PLP1: variants seen among roughly 807,000 people sequenced by gnomAD.
PLP1 encodes the protein myelin proteolipid protein.
PLP1 carries 2 observed loss-of-function variants against 18.5 expected under a neutral mutation model. That is an observed-to-expected ratio of 0.11 (90% CI 0.04 to 0.34). The LOEUF (loss-of-function observed/expected upper bound fraction) is 0.34, where lower values mean the gene tolerates loss of function less well. PLP1 is among the 10% of genes least tolerant of loss of function. The probability of loss-of-function intolerance (pLI) is 1.00; values close to 1 mark genes in which losing one functional copy is unlikely to be tolerated. For synonymous variants in PLP1, 86 were observed against 83.2 expected (o/e 1.03, Z -0.19); for missense variants, 105 against 207.3 (o/e 0.51, Z 3.03).
At chrX:103,778,496 G>T (rs1375622515) in intron 1 of PLP1, among the ~76,000 whole-genome samples, 2 of 111,357 alleles carry the variant, frequency 1.8e-5, no homozygotes, top group African/African-American at 6.5e-5. Context: ...GATAGGTTGT[G>T]CATTAAAAAC....
chrX:103,782,782 A>G (rs944169582), intron 1 of PLP1, among the ~76,000 whole-genome samples: 16 of 60,290 alleles, frequency 2.7e-4, no homozygotes, highest in Non-Finnish European at 3.6e-4. Flanking sequence ...TTGTTCCCTG[A>G]GTCTGACCCC....
At chrX:103,785,876 C>T (rs1271964871) in intron 2 of PLP1, 108 bp downstream of exon 2, 2 of 794,614 alleles carry the variant, frequency 2.5e-6, no homozygotes, top group Non-Finnish European at 3.8e-6. Flanking sequence ...TGGGGTGGAG[C>T]CAGACCGGAT....
intron 5 of PLP1, 115 bp downstream of exon 5, chrX:103,788,625 C>T (rs970892360): frequency 2.0e-5 from 13 of 636,111 alleles, no homozygotes; most frequent in Middle Eastern, 3.3e-4. Context: ...TTGAATTAGC[C>T]GATTGCCTTC....
At chrX:103,777,245 A>G (rs1382359151) in intron 1 of PLP1, among the ~76,000 whole-genome samples, 3 of 111,604 alleles carry the variant, frequency 2.7e-5, no homozygotes, top group Admixed American at 1.9e-4. Context: ...GAGAGTGCCC[A>G]GCTGGATGGA....
intron 6 of PLP1, among the ~76,000 whole-genome samples, chrX:103,789,670 T>C (rs2074528315): frequency 8.9e-6 from 1 of 112,205 alleles, no homozygotes; most frequent in Non-Finnish European, 1.9e-5. Flanking sequence ...TTATAGAACA[T>C]GTAATGTTGC....
At chrX:103,777,227 T>C (rs182402974) in intron 1 of PLP1, among the ~76,000 whole-genome samples, 1 of 111,731 alleles carries the variant, frequency 9.0e-6, no homozygotes, top group Non-Finnish European at 1.9e-5. Flanking sequence ...GTCCCACAGA[T>C]CTCTGGAGAG....
intron 1 of PLP1, among the ~76,000 whole-genome samples, chrX:103,784,293 T>C (rs1373246486): frequency 9.0e-6 from 1 of 111,716 alleles, no homozygotes; most frequent in Admixed American, 9.5e-5. Context: ...GTTCCTCTAG[T>C]GCCAGAAAGA....
At chrX:103,785,891 G>C (rs967702711) in intron 2 of PLP1, 123 bp downstream of exon 2, 1 of 751,842 alleles carries the variant, frequency 1.3e-6, no homozygotes, top group African/African-American at 2.1e-5. Context: ...CCGGATTCCC[G>C]AGTCTTCCCT....
chrX:103,786,579 C>A lies in PLP1; in HGVS notation c.306C>A (p.Gly102=). 2 of 1,211,473 alleles carry A rather than the reference C, an allele frequency of 1.7e-6. No individual in the cohort carries two copies. Among genetic ancestry groups the A allele is most frequent in the Non-Finnish European group, 2.2e-6 (2 of 895,350 alleles). ...CCGGCGCAGTCAGGCAGATCTTTGGCGACTACAAGACCACCATCTGCGGCA... is the reference window on the plus strand; with the variant it reads ...CCGGCGCAGTCAGGCAGATCTTTGGAGACTACAAGACCACCATCTGCGGCA... The part of the protein sequence containing the change: ...YTTGAVRQIF[G]DYKTTICGKG... Residue 102 remains glycine, a synonymous_variant, in exon 3 of 7, where the codon GGC becomes GGA. Coordinates refer to ENST00000621218, the MANE Select transcript of PLP1 (RefSeq NM_000533.5).
upstream of PLP1, chrX:103,776,687 A>G (rs2074413234): frequency 1.7e-5 from 5 of 301,496 alleles, no homozygotes; most frequent in African/African-American, 2.7e-5. Context: ...AGAAAATGAA[A>G]CAATTGGCAG....
intron 2 of PLP1, chrX:103,786,228 C>T: frequency 8.7e-7 from 1 of 1,143,331 alleles, no homozygotes; most frequent in Non-Finnish European, 1.2e-6. Flanking sequence ...TCTCCAGGTC[C>T]CAGGGTAAGC....
In PLP1 at chrX:103,791,684, T is replaced by C. The variant is rs970241016; in HGVS notation, c.*1086T>C. ...TGCACATTTCATGTATTCCAGTTTG[T>C]TTATTACTTATTTGGGGTTGCATCA... is the stretch of plus-strand genomic sequence containing the variant. On this transcript the variant is annotated 3_prime_UTR_variant, in exon 7 of 7. Transcript: ENST00000621218. The C allele has an allele frequency of 1.2e-4, 13 of 112,963 alleles. No individual in the cohort carries two copies. Among genetic ancestry groups the C allele is most frequent in the African/African-American group, 4.2e-4 (13 of 31,014 alleles). 9.3% of individuals were successfully genotyped at this position (112,963 alleles called of 1,213,427 possible).
chrX:103,781,297 C>A (rs2074452190), intron 1 of PLP1: 2 of 325,747 alleles, frequency 6.1e-6, no homozygotes, highest in Middle Eastern at 4.4e-4. Flanking sequence ...CCTTGATGAA[C>A]CTGGATCTGT....
chrX:103,785,670 G>A lies in PLP1; in HGVS notation c.93G>A (p.Leu31=), dbSNP rs370969734. The A allele has an allele frequency of 8.3e-7, 1 of 1,210,151 alleles. No individual in the cohort carries two copies. Among genetic ancestry groups the A allele is most frequent in the Non-Finnish European group, 1.1e-6 (1 of 893,882 alleles). The change falls in exon 2 of 7, where the codon CTG becomes CTA. Residue 31 remains leucine, a synonymous_variant. Transcript: ENST00000621218. ...GATTGTGTTTCTTTGGGGTGGCACT[G>A]TTCTGTGGCTGTGGACATGAAGCCC... ...ATGLCFFGVA[L]FCGCGHEALT...
At chrX:103,786,193 G>A (rs2074495177) in intron 2 of PLP1, 2 of 1,128,383 alleles carry the variant, frequency 1.8e-6, no homozygotes, top group Admixed American at 5.3e-5. Context: ...TCTGAAGGGT[G>A]GGGCAGGGAG....
intron 2 of PLP1, chrX:103,785,976 C>CCG: frequency 1.8e-6 from 1 of 544,756 alleles, no homozygotes; most frequent in Non-Finnish European, 2.9e-6. Context: ...CTGTCAGCCC[C>CCG]TCCCACCCCC....
chrX:103,788,487 C>T lies in PLP1; in HGVS notation c.673C>T (p.Leu225=). 1 of 1,206,141 alleles carries T rather than the reference C, an allele frequency of 8.3e-7. No individual in the cohort carries two copies. Residue 225 remains leucine (L), a synonymous_variant, in exon 5 of 7, where the codon CTG becomes TTG. Coordinates refer to ENST00000621218, the MANE Select transcript of PLP1 (RefSeq NM_000533.5). ...TGGCAAGGTTTGTGGCTCCAACCTT[C>T]TGTCCATCTGCAAAACAGCTGAGGT... The part of the protein sequence containing the change: ...FPGKVCGSNL[L]SICKTAEFQM...
intron 1 of PLP1, among the ~76,000 whole-genome samples, chrX:103,782,717 C>T (rs1232606311): frequency 8.9e-6 from 1 of 112,061 alleles, no homozygotes; most frequent in Non-Finnish European, 1.9e-5. Flanking sequence ...CCAAGATGGT[C>T]ACTTGCTAGG....
Position 103,790,561 on chromosome X carries a change from C to G in PLP1, c.797C>G (p.Ala266Gly), listed in dbSNP as rs2074536670. 2 of 1,207,048 alleles carry G rather than the reference C, an allele frequency of 1.7e-6. No homozygotes were observed. Among genetic ancestry groups the G allele is most frequent in the South Asian group, 3.5e-5 (2 of 56,725 alleles). Residue 266 changes from alanine (A) to glycine (G), a missense_variant, in exon 7 of 7, where the codon GCC becomes GGC. Ala to Gly is a moderately conservative substitution (Grantham distance 60). Transcript: ENST00000621218. Reference protein sequence around the residue: ...TFMIAATYNFAVLKLMGRGTK... With the variant: ...TFMIAATYNFGVLKLMGRGTK... ...ATGATTGCTGCCACTTACAACTTTG[C>G]CGTCCTTAAACTCATGGGCCGAGGC...
Sources: allele counts gnomAD v4.1 joint callset (sites outside exome capture counted in the v4.1 genomes callset), GRCh38; gene constraint gnomAD v4.1.1; transcripts MANE v1.5; gene names NCBI Gene and HGNC (gene_info 2026-07-23, HGNC 2026-07-21).